The following SNX29 variants were observed in gnomAD, a reference collection of about 807,000 sequenced individuals.
SNX29 encodes sorting nexin 29, also known as sorting nexin-29.
A neutral mutation model predicts 102.1 loss-of-function variants in SNX29; 78 were observed. The observed-to-expected ratio is 0.76, with a 90% CI of 0.64 to 0.92. SNX29 has a LOEUF of 0.92. Ranked by LOEUF, SNX29 falls within the 40% of genes least tolerant of loss-of-function variation. The pLI is 0.00. For missense variants in SNX29, 1,280 were observed against 1,061.7 expected (o/e 1.21, Z -2.86); for synonymous variants, 580 against 414.5 (o/e 1.40, Z -4.85).
intron 18 of SNX29, among the ~76,000 whole-genome samples, chr16:12,412,496 A>G (rs1039464949): frequency 2.6e-5 from 4 of 152,156 alleles, no homozygotes; most frequent in African/African-American, 9.7e-5. Flanking sequence ...ACAAGGTAAT[A>G]TTTTTCACAC....
chr16:12,458,714 C>G (rs1254609882), intron 18 of SNX29, among the ~76,000 whole-genome samples: 1 of 152,132 alleles, frequency 6.6e-6, no homozygotes, highest in Admixed American at 6.5e-5. Context: ...CTGTGAGCAC[C>G]AAGGAGGAGG....
chr16:12,054,879 A>G (rs2050455577), intron 8 of SNX29, among the ~76,000 whole-genome samples: 1 of 152,086 alleles, frequency 6.6e-6, no homozygotes, highest in Admixed American at 6.6e-5. Flanking sequence ...TTTGTTGGGT[A>G]TTTATGCTGA....
chr16:12,054,806 C>A (rs778990826), intron 8 of SNX29, among the ~76,000 whole-genome samples: 5 of 152,318 alleles, frequency 3.3e-5, no homozygotes, highest in Non-Finnish European at 5.9e-5. Context: ...TCCGCAGAAC[C>A]GTGGCTAACG....
intron 16 of SNX29, among the ~76,000 whole-genome samples, chr16:12,368,892 C>G (rs1005799775): frequency 3.3e-5 from 5 of 152,198 alleles, no homozygotes; most frequent in Non-Finnish European, 5.9e-5. Context: ...AATGGCCTCT[C>G]TGTTCTTTGA....
intron 16 of SNX29, among the ~76,000 whole-genome samples, chr16:12,385,723 A>G (rs759756686): frequency 1.3e-5 from 2 of 152,258 alleles, no homozygotes; most frequent in African/African-American, 2.4e-5. Flanking sequence ...ACAACTGACA[A>G]TAATAGGCAT....
intron 13 of SNX29, among the ~76,000 whole-genome samples, chr16:12,188,598 T>C (rs944334309): frequency 1.3e-5 from 2 of 152,178 alleles, no homozygotes; most frequent in African/African-American, 4.8e-5. Context: ...TTGGGCTGTT[T>C]CTCTGGCTCT....
intron 13 of SNX29, among the ~76,000 whole-genome samples, chr16:12,175,410 C>G (rs1174836600): frequency 6.6e-6 from 1 of 152,072 alleles, no homozygotes; most frequent in Non-Finnish European, 1.5e-5. Context: ...AGGTGGATCA[C>G]TTGAGGTCAG....
chr16:12,551,723 G>A (rs1461611674), intron 20 of SNX29, among the ~76,000 whole-genome samples: 3 of 152,194 alleles, frequency 2.0e-5, no homozygotes, highest in African/African-American at 7.2e-5. Context: ...CTTGTGAATG[G>A]GGACAGCTGA....
chr16:12,521,482 G>A (rs1298570662), intron 19 of SNX29, among the ~76,000 whole-genome samples: 2 of 151,980 alleles, frequency 1.3e-5, no homozygotes, highest in East Asian at 1.9e-4. Context: ...CTTTCCTTGG[G>A]CTCTGTAGCA....
Position 12,571,564 on chromosome 16 carries a change from C to A in SNX29, c.*2935C>A. 1 of 1,008,176 alleles carries A rather than the reference C, an allele frequency of 9.9e-7. No homozygotes were observed. The highest frequency in any genetic ancestry group is 5.1e-5 in the East Asian group (1 of 19,598). 62.5% of individuals were successfully genotyped at this position (1,008,176 alleles called of 1,614,324 possible). The stretch of plus-strand genomic sequence containing the variant: ...CTGGGAGGAAGAATCCACACCGAAT[C>A]CTTCTGTCTTCATGGCCTGCTGTGC... On this transcript the variant is annotated 3_prime_UTR_variant, in exon 21 of 21. Transcript: ENST00000566228.
intron 11 of SNX29, among the ~76,000 whole-genome samples, chr16:12,112,208 C>T (rs1339507838): frequency 1.3e-5 from 2 of 152,194 alleles, no homozygotes; most frequent in African/African-American, 4.8e-5. Context: ...CTGCCAGCTG[C>T]CAGTCTGTCC....
intron 20 of SNX29, among the ~76,000 whole-genome samples, chr16:12,525,230 C>T (rs888384943): frequency 6.6e-6 from 1 of 151,974 alleles, no homozygotes; most frequent in Non-Finnish European, 1.5e-5. Flanking sequence ...AAAGTTCTCC[C>T]AGACTCCTAC....
At chr16:12,329,478 C>A (rs1472511400) in intron 15 of SNX29, among the ~76,000 whole-genome samples, 2 of 152,012 alleles carry the variant, frequency 1.3e-5, no homozygotes, top group Non-Finnish European at 2.9e-5. Flanking sequence ...GCACATAAAC[C>A]GCAGGACTGA....
chr16:12,382,451 T>G (rs1045213091), intron 16 of SNX29, among the ~76,000 whole-genome samples: 1 of 152,188 alleles, frequency 6.6e-6, no homozygotes, highest in African/African-American at 2.4e-5. Context: ...GCAAGTTAAG[T>G]CAACTCTCTG....
intron 20 of SNX29, among the ~76,000 whole-genome samples, chr16:12,542,270 ATGG>A (rs1189483609): frequency 8.4e-6 from 1 of 118,518 alleles, no homozygotes; most frequent in African/African-American, 2.7e-5. Context: ...AAATTGAGGC[ATGG>A]AGAAATGGAG....
intron 9 of SNX29, among the ~76,000 whole-genome samples, chr16:12,067,282 AT>A (rs200251446): frequency 1.0e-4 from 15 of 150,682 alleles, no homozygotes; most frequent in Admixed American, 6.0e-4. Flanking sequence ...GGTTAAAACA[AT>A]TTTTTTTTTC....
chr16:12,556,598 G>T (rs776629160), intron 20 of SNX29: 1 of 152,300 alleles, frequency 6.6e-6, no homozygotes. Flanking sequence ...AAGGGTTTGG[G>T]GTCTGAGGAA....
At position 12,083,503 on chromosome 16, in the gene SNX29, C is replaced by G. The variant is rs530690460; in HGVS notation, c.1402+4588C>G. Among the ~76,000 whole-genome samples the G allele has an allele frequency of 2.6e-5, 4 of 151,996 alleles. No individual in the cohort carries two copies. In the East Asian group the frequency reaches 7.7e-4, roughly 29 times the overall value. On this transcript the variant is annotated intron_variant, in intron 11 of 20. Coordinates refer to ENST00000566228, the MANE Select transcript of SNX29 (RefSeq NM_032167.5). ...CCCTTATCTCTTCTTATAAGGGCAC[C>G]GGTCCTGTGGGATCAGAGCCCCATG...
chr16:12,229,274 TG>T (rs2077702709), intron 14 of SNX29, among the ~76,000 whole-genome samples: 1 of 152,254 alleles, frequency 6.6e-6, no homozygotes, highest in South Asian at 2.1e-4. Flanking sequence ...GCATAGTACC[TG>T]GCACATAGTA....
Sources: gnomAD v4.1 joint callset for allele counts (sites outside exome capture counted in the v4.1 genomes callset) on GRCh38, gnomAD v4.1.1 for gene constraint, MANE v1.5 for transcripts, NCBI Gene and HGNC (gene_info 2026-07-23, HGNC 2026-07-21) for gene names.